The following SP4 variants were observed in gnomAD, a reference collection of about 807,000 sequenced individuals.
The protein encoded by SP4 is transcription factor Sp4.
SP4 carries 19 observed loss-of-function variants against 72.8 expected under a neutral mutation model. That is an observed-to-expected ratio of 0.26 (90% CI 0.18 to 0.38). The LOEUF (loss-of-function observed/expected upper bound fraction) is 0.38, where lower values mean the gene tolerates loss of function less well. Ranked by LOEUF, SP4 falls within the 10% of genes least tolerant of loss-of-function variation. The pLI, the probability that SP4 is intolerant of heterozygous loss-of-function variation, is 1.00. For synonymous variants in SP4, 395 were observed against 333.1 expected, an observed-to-expected ratio of 1.19 and a Z score of -2.02; for missense variants, 1,008 against 926.3, an observed-to-expected ratio of 1.09 and a Z score of -1.14.
intron 5 of SP4, among the ~76,000 whole-genome samples, chr7:21,500,649 G>A (rs910349246): frequency 6.6e-5 from 10 of 152,100 alleles, no homozygotes; most frequent in African/African-American, 2.4e-4. Context: ...GTTTACACTT[G>A]GAGGCTGCCC....
intron 3 of SP4, among the ~76,000 whole-genome samples, chr7:21,466,030 T>C (rs1784157784): frequency 1.3e-5 from 2 of 152,322 alleles, no homozygotes. Flanking sequence ...TCTTTCCACC[T>C]GTCAGTGGAT....
chr7:21,511,534 C>T lies in SP4; in HGVS notation c.*265C>T. 1 of 357,008 alleles carries T rather than the reference C, an allele frequency of 2.8e-6. No individual in the cohort carries two copies. Among genetic ancestry groups the T allele is most frequent in the Non-Finnish European group, 5.1e-6 (1 of 195,344 alleles). The allele number at this position is 357,008 out of a possible 1,614,324, so 22.1% of individuals were successfully genotyped here. A position where few individuals can be genotyped will look rare whatever the true frequency, so the allele number is the denominator to read the frequency against. ...GGAAATATATCACATAACCTTTATA[C>T]AGAATCTTCCCATCTCTTAATATCA... is the stretch of plus-strand genomic sequence containing the variant. On this transcript the variant is annotated 3_prime_UTR_variant, in exon 6 of 6. Transcript: ENST00000222584.
intron 5 of SP4, among the ~76,000 whole-genome samples, chr7:21,494,958 C>G (rs757001225): frequency 1.2e-4 from 19 of 152,112 alleles, no homozygotes; most frequent in Non-Finnish European, 2.2e-4. Flanking sequence ...AAATTCCCCT[C>G]CACACACAGG....
At chr7:21,442,032 G>A (rs964665746) in intron 3 of SP4, among the ~76,000 whole-genome samples, 15 of 37,522 alleles carry the variant, frequency 4.0e-4, no homozygotes, top group East Asian at 1.0e-3. Context: ...GTGTGTGTGT[G>A]TGTGTATTTT....
chr7:21,429,507 G>C lies in SP4; in HGVS notation c.342G>C (p.Glu114Asp), dbSNP rs953755591. 1.9e-6 allele frequency: 3 copies of C among 1,614,178 alleles called. No homozygotes were observed. The highest frequency in any genetic ancestry group is 1.7e-5 in the Admixed American group (1 of 60,016). ...LVASTPPASKENNVSQPASSS... is the reference protein window; with the variant it reads ...LVASTPPASKDNNVSQPASSS... Reference sequence around the variant, plus strand: ...CCTCCACTCCTCCTGCTTCAAAAGAGAATAACGTTTCTCAACCAGCCTCTA... The same window carrying C: ...CCTCCACTCCTCCTGCTTCAAAAGACAATAACGTTTCTCAACCAGCCTCTA... The change falls in exon 3 of 6, where the codon GAG becomes GAC. Residue 114 changes from glutamate to aspartate, a missense_variant. This residue lies in a region of SP4 where 893 missense variants were observed against 743.3 expected (regional missense o/e 1.20). Coordinates refer to ENST00000222584, the MANE Select transcript of SP4 (RefSeq NM_003112.5).
In SP4 at chr7:21,428,182, C is replaced by CCCCCA; in HGVS notation, c.-70_-69insCCCCA. On this transcript the variant is annotated 5_prime_UTR_variant, in exon 1 of 6. Coordinates refer to ENST00000222584, the MANE Select transcript of SP4 (RefSeq NM_003112.5). ...GGCGGGCGGGACCGGCCTCTCCTCC[C>CCCCCA]GCCTCGCCCCCACCCCCACCCACCT... The CCCCCA allele has an allele frequency of 6.2e-6, 4 of 642,312 alleles. No individual in the cohort carries two copies. The highest frequency in any genetic ancestry group is 3.6e-5 in the East Asian group (1 of 28,132). 39.8% of individuals were successfully genotyped at this position (642,312 alleles called of 1,614,324 possible).
At chr7:21,438,496 C>A (rs1235708990) in intron 3 of SP4, among the ~76,000 whole-genome samples, 1 of 152,038 alleles carries the variant, frequency 6.6e-6, no homozygotes, top group Non-Finnish European at 1.5e-5. Context: ...CTTAAATTTA[C>A]TGTGTACTTA....
At chr7:21,440,107 G>C (rs552711952) in intron 3 of SP4, among the ~76,000 whole-genome samples, 1 of 152,168 alleles carries the variant, frequency 6.6e-6, no homozygotes, top group East Asian at 1.9e-4. Flanking sequence ...TAGAGGCTTC[G>C]TAGAGCACAA....
intron 5 of SP4, among the ~76,000 whole-genome samples, chr7:21,489,396 C>CG (rs1299910711): frequency 2.6e-5 from 4 of 151,912 alleles, no homozygotes; most frequent in Admixed American, 6.6e-5. Context: ...TCATAGCTCA[C>CG]GGCAGCCTTG....
chr7:21,508,366 C>G (rs746912303), intron 5 of SP4, among the ~76,000 whole-genome samples: 1 of 152,212 alleles, frequency 6.6e-6, no homozygotes, highest in Non-Finnish European at 1.5e-5. Flanking sequence ...GGGGCAGTTA[C>G]AGCAGGTAAT....
intron 5 of SP4, among the ~76,000 whole-genome samples, chr7:21,493,710 T>C (rs1237713937): frequency 1.6e-5 from 1 of 62,928 alleles, no homozygotes; most frequent in Non-Finnish European, 2.7e-5. Context: ...TTTAAACTTT[T>C]GACAAAAGAA....
chr7:21,495,628 T>C (rs549144897), intron 5 of SP4, among the ~76,000 whole-genome samples: 3 of 152,234 alleles, frequency 2.0e-5, no homozygotes, highest in East Asian at 1.9e-4. Context: ...TGCAGAGCAA[T>C]TGGAATTCTC....
In SP4 at chr7:21,455,583, G is replaced by A. The variant is rs183095682; in HGVS notation, c.1679-21496G>A. Among the ~76,000 whole-genome samples, 51 of 152,262 alleles carry A rather than the reference G, an allele frequency of 3.3e-4. 2 individuals are homozygous for A. Among genetic ancestry groups the A allele is most frequent in the Admixed American group, 2.9e-3 (44 of 15,286 alleles). ...TTACCATGTACTCTTAACCTTTGTA[G>A]TGTCTTGTCACAATTACCCATTTGA... On this transcript the variant is annotated intron_variant, in intron 3 of 5. Transcript: ENST00000222584.
intron 4 of SP4, among the ~76,000 whole-genome samples, chr7:21,480,151 T>TGTTGACA (rs1269375965): frequency 6.6e-6 from 1 of 152,180 alleles, no homozygotes; most frequent in Non-Finnish European, 1.5e-5. Flanking sequence ...TCTGGTACAA[T>TGTTGACA]GTTGACAGTG....
intron 3 of SP4, among the ~76,000 whole-genome samples, chr7:21,469,291 A>G (rs1308690773): frequency 1.3e-5 from 2 of 152,174 alleles, no homozygotes; most frequent in African/African-American, 4.8e-5. Flanking sequence ...AATACATTGA[A>G]CAAAGATTAA....
rs1562636797 is a variant in SP4, at chr7:21,513,344, C to G, written c.*2075C>G. 1.3e-5 allele frequency: 2 copies of G among 152,592 alleles called. No individual in the cohort carries two copies. Among genetic ancestry groups the G allele is most frequent in the East Asian group, 3.9e-4 (2 of 5,178 alleles). The allele number at this position is 152,592 out of a possible 1,614,324, so 9.5% of individuals were successfully genotyped here. A position where few individuals can be genotyped will look rare whatever the true frequency, so the allele number is the denominator to read the frequency against. On this transcript the variant is annotated 3_prime_UTR_variant, in exon 6 of 6. Transcript: ENST00000222584. Reference sequence around the variant, plus strand: ...GTTATAAATTTCAAGTTTCTTAAAGCTTTTGTAGACTTGTAACAGAGTCTT... The same window carrying G: ...GTTATAAATTTCAAGTTTCTTAAAGGTTTTGTAGACTTGTAACAGAGTCTT...
In SP4 at chr7:21,511,042, C is replaced by T. The variant is rs199992830; in HGVS notation, c.2128C>T (p.Pro710Ser). 2 of 1,609,360 alleles carry T rather than the reference C, an allele frequency of 1.2e-6. No homozygotes were observed. Among genetic ancestry groups the T allele is most frequent in the Non-Finnish European group, 1.7e-6 (2 of 1,176,618 alleles). Residue 710 changes from proline (P) to serine (S), a missense_variant, in exon 6 of 6, where the codon CCG becomes TCG. Physicochemically the swap from Pro to Ser is moderately conservative, Grantham distance 74. Coordinates refer to ENST00000222584, the MANE Select transcript of SP4 (RefSeq NM_003112.5). ...THTGEKRFEC[P>S]ECSKRFMRSD... ...TGTAGGTGAAAAGAGATTTGAATGC[C>T]CGGAATGTTCTAAAAGGTTTATGCG...
At chr7:21,488,008 T>C (rs1254871432) in intron 5 of SP4, among the ~76,000 whole-genome samples, 3 of 151,908 alleles carry the variant, frequency 2.0e-5, no homozygotes, top group Non-Finnish European at 4.4e-5. Context: ...GGACCACAGG[T>C]GCATGCCACC....
At position 21,429,273 on chromosome 7, in the gene SP4, G is replaced by A. The variant is rs1376166184; in HGVS notation, c.124-16G>A. 3.5e-6 allele frequency: 5 copies of A among 1,412,784 alleles called. No homozygotes were observed. Among genetic ancestry groups the A allele is most frequent in the Admixed American group, 2.1e-5 (1 of 47,796 alleles). 87.5% of individuals were successfully genotyped at this position (1,412,784 alleles called of 1,614,324 possible). On this transcript the variant is annotated splice_polypyrimidine_tract_variant and intron_variant, in intron 2 of 5. Coordinates refer to ENST00000222584, the MANE Select transcript of SP4 (RefSeq NM_003112.5). ...TTTTCCCCCCCCCCTCTCCTTTACC[G>A]TCCCATTTTGGGTAGGACTCTCAGC...
Sources: allele counts gnomAD v4.1 joint callset (sites outside exome capture counted in the v4.1 genomes callset), GRCh38; gene constraint gnomAD v4.1.1; regional missense constraint gnomAD v4.1.1; transcripts MANE v1.5; gene names NCBI Gene and HGNC (gene_info 2026-07-23, HGNC 2026-07-21).